The following IL11 variants were observed in gnomAD, a reference collection of about 807,000 sequenced individuals.
IL11 encodes interleukin 11, also known as interleukin-11.
A neutral mutation model predicts 18.1 loss-of-function variants in IL11; 17 were observed. The observed-to-expected ratio is 0.94, with a 90% CI of 0.64 to 1.41. The LOEUF (loss-of-function observed/expected upper bound fraction) is 1.41, where lower values mean the gene tolerates loss of function less well. Ranked by LOEUF, IL11 falls within the 40% of genes most tolerant of loss-of-function variation. The pLI is 0.00. For synonymous variants in IL11, 144 were observed against 134.1 expected (o/e 1.07, Z -0.51); for missense variants, 309 against 262.8 (o/e 1.18, Z -1.22).
Position 55,366,581 on chromosome 19 carries a change from C to T in IL11, c.430-404G>A, listed in dbSNP as rs953486721. Among the ~76,000 whole-genome samples, 8 of 152,122 alleles carry T rather than the reference C, an allele frequency of 5.3e-5. No homozygotes were observed. The highest frequency in any genetic ancestry group is 4.1e-4 in the South Asian group (2 of 4,820). On this transcript the variant is annotated intron_variant, in intron 4 of 4. Transcript: ENST00000264563. The surrounding 1 kb of genome is among the most constrained non-coding windows in gnomAD (Gnocchi z 4.6). ...ATCCCAGCGCTTTGGGAGGCCGAGG[C>T]GGGCGGATGGCCTGAGCTCAGGAGT...
chr19:55,366,564 G>T lies in IL11; in HGVS notation c.430-387C>A, dbSNP rs962360657. On this transcript the variant is annotated intron_variant, in intron 4 of 4. Coordinates refer to ENST00000264563, the MANE Select transcript of IL11 (RefSeq NM_000641.4). This position sits in a 1 kb window ranked among gnomAD's most constrained non-coding sequence, Gnocchi z 4.6. ...GGGGGCTCACGCCTGTTATCCCAGCGCTTTGGGAGGCCGAGGCGGGCGGAT... is the reference window on the plus strand; with the variant it reads ...GGGGGCTCACGCCTGTTATCCCAGCTCTTTGGGAGGCCGAGGCGGGCGGAT... Among the ~76,000 whole-genome samples the T allele has an allele frequency of 6.6e-6, 1 of 152,000 alleles. No homozygotes were observed. Among genetic ancestry groups the T allele is most frequent in the Non-Finnish European group, 1.5e-5 (1 of 67,976 alleles).
intron 2 of IL11, 84 bp downstream of exon 2, chr19:55,368,685 C>A: frequency 6.7e-7 from 1 of 1,495,592 alleles, no homozygotes; most frequent in Non-Finnish European, 9.0e-7. Flanking sequence ...GAGCCCAGAA[C>A]CCCTCCAAGT....
In IL11 at chr19:55,368,546, C is replaced by T. The variant is rs774111814; in HGVS notation, c.204G>A (p.Gly68=). 1 of 1,612,764 alleles carries T rather than the reference C, an allele frequency of 6.2e-7. No individual in the cohort carries two copies. The highest frequency in any genetic ancestry group is 8.5e-7 in the Non-Finnish European group (1 of 1,179,664). The change falls in exon 3 of 5, where the codon GGG becomes GGA. Residue 68 remains glycine (G), a synonymous_variant. Coordinates refer to ENST00000264563, the MANE Select transcript of IL11 (RefSeq NM_000641.4). The part of the protein sequence containing the change: ...AQLRDKFPAD[G]DHNLDSLPTL... Reference sequence around the variant, plus strand: ...TGGGCAGGGAATCCAGGTTGTGGTCCCCGTCAGCTGGGAATTTGTCCCTCT... The same window carrying T: ...TGGGCAGGGAATCCAGGTTGTGGTCTCCGTCAGCTGGGAATTTGTCCCTCT...
rs914498622 is a variant in IL11 at position 55,369,792 on chromosome 19, C to T, written c.7+512G>A. ...CCCGCCAGCCGTCGGTCTGTCCGCG[C>T]CTCCGTCGGCCGCATCTGCCCGGCT... On this transcript the variant is annotated intron_variant, in intron 1 of 4. Transcript: ENST00000264563. This position sits in a 1 kb window ranked among gnomAD's most constrained non-coding sequence, Gnocchi z 6.1. 6.0e-5 allele frequency among the ~76,000 whole-genome samples: 9 copies of T among 151,106 alleles called. No individual in the cohort carries two copies. Among genetic ancestry groups the T allele is most frequent in the Non-Finnish European group, 8.9e-5 (6 of 67,636 alleles).
Position 55,366,127 on chromosome 19 carries a change from C to CG in IL11, c.479dup (p.Leu161AlafsTer26). The stretch of plus-strand genomic sequence containing the variant: ...CCCAGGCTGAGGAGGGGGGCGCCAG[C>CG]GGGGGCGCCGGCGGGTCCGGGGGTG... On this transcript the variant is annotated frameshift_variant, in exon 5 of 5. Coordinates refer to ENST00000264563, the MANE Select transcript of IL11 (RefSeq NM_000641.4). LOFTEE classifies it high-confidence loss of function. The surrounding 1 kb of genome is among the most constrained non-coding windows in gnomAD (Gnocchi z 4.6). 6.5e-7 allele frequency: 1 copy of CG among 1,530,502 alleles called. No homozygotes were observed. The allele number at this position is 1,530,502 out of a possible 1,614,324, so 94.8% of individuals were successfully genotyped here. A position where few individuals can be genotyped will look rare whatever the true frequency, so the allele number is the denominator to read the frequency against.
In IL11 at chr19:55,368,203, G is replaced by A; in HGVS notation, c.429+7C>T. ...CTGGGGTGTCAGGTCTTGGGGCCAGGACATACCAGGAGCTGCAGCCGGCGC... is the reference window on the plus strand; with the variant it reads ...CTGGGGTGTCAGGTCTTGGGGCCAGAACATACCAGGAGCTGCAGCCGGCGC... On this transcript the variant is annotated splice_region_variant and intron_variant, in intron 4 of 4. Coordinates refer to ENST00000264563, the MANE Select transcript of IL11 (RefSeq NM_000641.4). 1 of 1,528,266 alleles carries A rather than the reference G, an allele frequency of 6.5e-7. No homozygotes were observed. Among genetic ancestry groups the A allele is most frequent in the South Asian group, 1.2e-5 (1 of 83,202 alleles). The allele number at this position is 1,528,266 out of a possible 1,614,324, so 94.7% of individuals were successfully genotyped here.
chr19:55,369,079 G>T lies in IL11; in HGVS notation c.8-138C>A. On this transcript the variant is annotated intron_variant, in intron 1 of 4. Transcript: ENST00000264563. This position sits in a 1 kb window ranked among gnomAD's most constrained non-coding sequence, Gnocchi z 6.1. ...TGGGTCTGAGGGAGGAGAGGCTGGG[G>T]GCCTGGACTCCTAGGTCTGAGGGAG... 1.4e-6 allele frequency: 1 copy of T among 700,850 alleles called. No individual in the cohort carries two copies. Among genetic ancestry groups the T allele is most frequent in the Non-Finnish European group, 2.2e-6 (1 of 456,554 alleles). The allele number at this position is 700,850 out of a possible 1,614,324, so 43.4% of individuals were successfully genotyped here.
Position 55,365,895 on chromosome 19 carries a change from C to G in IL11, c.*112G>C. 1 of 1,502,078 alleles carries G rather than the reference C, an allele frequency of 6.7e-7. No homozygotes were observed. The highest frequency in any genetic ancestry group is 9.0e-7 in the Non-Finnish European group (1 of 1,109,482). 93.0% of individuals were successfully genotyped at this position (1,502,078 alleles called of 1,614,324 possible). A position where few individuals can be genotyped will look rare whatever the true frequency, so the allele number is the denominator to read the frequency against. On this transcript the variant is annotated 3_prime_UTR_variant, in exon 5 of 5. Transcript: ENST00000264563. ...GGCCTCACGGAAGGACTGTCTCTAA[C>G]TAGGGGGAGATAATGGCGGGGGGAT...
rs4252558 is a variant in IL11, at chr19:55,365,878, G to A, written c.*129C>T. 3.7e-3 allele frequency: 5,348 copies of A among 1,438,824 alleles called. 188 individuals are homozygous for A. The African/African-American group carries it at 0.068, about 18-fold the overall frequency. 89.1% of individuals were successfully genotyped at this position (1,438,824 alleles called of 1,614,324 possible). ...GGCACAGATGCCCCCCAGGCCTCAC[G>A]GAAGGACTGTCTCTAACTAGGGGGA... On this transcript the variant is annotated 3_prime_UTR_variant, in exon 5 of 5. Transcript: ENST00000264563.
At position 55,369,130 on chromosome 19, in the gene IL11, G is replaced by C. The variant is rs2089805460; in HGVS notation, c.8-189C>G. 2.0e-6 allele frequency: 1 copy of C among 491,092 alleles called. No individual in the cohort carries two copies. Among genetic ancestry groups the C allele is most frequent in the South Asian group, 3.7e-5 (1 of 26,978 alleles). The allele number at this position is 491,092 out of a possible 1,614,324, so 30.4% of individuals were successfully genotyped here. On this transcript the variant is annotated intron_variant, in intron 1 of 4. Transcript: ENST00000264563. The surrounding 1 kb of genome is among the most constrained non-coding windows in gnomAD (Gnocchi z 6.1). ...GAAGGCCTGGGGTCTGGACTCCTGG[G>C]TCTCGGGGAGGAGGGTCTGGGGCCT...
At position 55,369,134 on chromosome 19, in the gene IL11, C is replaced by G. The variant is rs941094480; in HGVS notation, c.8-193G>C. 1.1e-5 allele frequency: 5 copies of G among 468,096 alleles called. No individual in the cohort carries two copies. Among genetic ancestry groups the G allele is most frequent in the Admixed American group, 7.6e-5 (2 of 26,200 alleles). 29.0% of individuals were successfully genotyped at this position (468,096 alleles called of 1,614,324 possible). A position where few individuals can be genotyped will look rare whatever the true frequency, so the allele number is the denominator to read the frequency against. On this transcript the variant is annotated intron_variant, in intron 1 of 4. Transcript: ENST00000264563. The surrounding 1 kb of genome is among the most constrained non-coding windows in gnomAD (Gnocchi z 6.1). ...GCCTGGGGTCTGGACTCCTGGGTCT[C>G]GGGGAGGAGGGTCTGGGGCCTGGAC...
Position 55,366,313 on chromosome 19 carries a change from G to T in IL11, c.430-136C>A. ...GTGGCGCGTGGGGTGAAGTGTTTAG[G>T]CCGGGAGCTCTTCAGGCTGTGGGGT... is the stretch of plus-strand genomic sequence containing the variant. On this transcript the variant is annotated intron_variant, in intron 4 of 4. Coordinates refer to ENST00000264563, the MANE Select transcript of IL11 (RefSeq NM_000641.4). This position sits in a 1 kb window ranked among gnomAD's most constrained non-coding sequence, Gnocchi z 4.6. The T allele has an allele frequency of 1.1e-6, 1 of 895,926 alleles. No individual in the cohort carries two copies. The highest frequency in any genetic ancestry group is 1.6e-6 in the Non-Finnish European group (1 of 624,794). The allele number at this position is 895,926 out of a possible 1,614,324, so 55.5% of individuals were successfully genotyped here.
chr19:55,367,862 G>C (rs1410685556), intron 4 of IL11, among the ~76,000 whole-genome samples: 4 of 152,068 alleles, frequency 2.6e-5, no homozygotes, highest in African/African-American at 9.7e-5. Flanking sequence ...TTGGGTCTTA[G>C]GGGCTGGGAT....
In IL11 at chr19:55,366,271, A is replaced by G; in HGVS notation, c.430-94T>C. On this transcript the variant is annotated intron_variant, in intron 4 of 4. Coordinates refer to ENST00000264563, the MANE Select transcript of IL11 (RefSeq NM_000641.4). This position sits in a 1 kb window ranked among gnomAD's most constrained non-coding sequence, Gnocchi z 4.6. The stretch of plus-strand genomic sequence containing the variant: ...GGAGCTGCAGCTGAATCGGGGCTGC[A>G]TATTCACAGGGGGACTGTGGCGCGT... 7.4e-7 allele frequency: 1 copy of G among 1,348,554 alleles called. No homozygotes were observed. The highest frequency in any genetic ancestry group is 9.8e-7 in the Non-Finnish European group (1 of 1,025,000). The allele number at this position is 1,348,554 out of a possible 1,614,324, so 83.5% of individuals were successfully genotyped here.
chr19:55,365,488 TC>T lies in IL11; in HGVS notation c.*518del. On this transcript the variant is annotated 3_prime_UTR_variant, in exon 5 of 5. Coordinates refer to ENST00000264563, the MANE Select transcript of IL11 (RefSeq NM_000641.4). ...CGGGACCTCCACCTGAATGGAGGTC[TC>T]CCCTCCACCTGCCCTGCCCCAGTTA... 6.2e-6 allele frequency: 1 copy of T among 162,330 alleles called. No individual in the cohort carries two copies. Among genetic ancestry groups the T allele is most frequent in the South Asian group, 1.7e-4 (1 of 5,854 alleles). The allele number at this position is 162,330 out of a possible 1,614,324, so 10.1% of individuals were successfully genotyped here. A position where few individuals can be genotyped will look rare whatever the true frequency, so the allele number is the denominator to read the frequency against.
At chr19:55,367,472 T>TG in intron 4 of IL11, among the ~76,000 whole-genome samples, 1 of 147,472 alleles carries the variant, frequency 6.8e-6, no homozygotes, top group African/African-American at 2.5e-5. Context: ...TTTTTTTTTT[T>TG]TGAGAGAGAG....
Position 55,370,284 on chromosome 19 carries a change from C to T in IL11, c.7+20G>A, listed in dbSNP as rs4252547. The T allele has an allele frequency of 1.3e-4, 195 of 1,494,622 alleles. No homozygotes were observed. The African/African-American group carries it at 2.0e-3, about 15-fold the overall frequency. 92.6% of individuals were successfully genotyped at this position (1,494,622 alleles called of 1,614,324 possible). A position where few individuals can be genotyped will look rare whatever the true frequency, so the allele number is the denominator to read the frequency against. On this transcript the variant is annotated intron_variant, in intron 1 of 4. Coordinates refer to ENST00000264563, the MANE Select transcript of IL11 (RefSeq NM_000641.4). ...TCCCTGCCTCCCTGTCCCCTCCACC[C>T]TCCCCATGAACCAACTTACAGTTCA...
Position 55,368,879 on chromosome 19 carries a change from G to A in IL11, c.70C>T (p.Pro24Ser), listed in dbSNP as rs747592950. The A allele has an allele frequency of 4.6e-5, 72 of 1,568,390 alleles. No homozygotes were observed. The highest frequency in any genetic ancestry group is 5.8e-5 in the Non-Finnish European group (67 of 1,156,632). ...GAAACTCGAGGGGGGCCAGGTGGTG[G>A]CCCAGGGGCGACAGCTGTATCTGGC... ...LWPDTAVAPG[P>S]PPGPPRVSPD... The change falls in exon 2 of 5, where the codon CCA (proline) becomes TCA (serine). Residue 24 changes from proline (P) to serine (S), a missense_variant. Pro to Ser is a moderately conservative substitution (Grantham distance 74). Transcript: ENST00000264563.
At chr19:55,368,703 C>T (rs1361310184) in intron 2 of IL11, 66 bp downstream of exon 2, 9 of 1,509,148 alleles carry the variant, frequency 6.0e-6, no homozygotes, top group East Asian at 2.5e-5. Context: ...AGTGGCTGCC[C>T]GCAGACTCCT....
Sources: allele counts gnomAD v4.1 joint callset (sites outside exome capture counted in the v4.1 genomes callset), GRCh38; gene constraint gnomAD v4.1.1; non-coding constraint Gnocchi (gnomAD v3.1); transcripts MANE v1.5; gene names NCBI Gene and HGNC (gene_info 2026-07-23, HGNC 2026-07-21).